Variants in FRMD1 observed in about 807,000 individuals in gnomAD.
FRMD1 encodes FERM domain containing 1.
In FRMD1, 51 loss-of-function variants were observed where a neutral mutation model predicts 54.9. The ratio of observed to expected loss-of-function variants is 0.93; its 90% CI spans 0.74 to 1.17. The LOEUF (loss-of-function observed/expected upper bound fraction) is 1.17, where lower values mean the gene tolerates loss of function less well. FRMD1 is among the 50% of genes most tolerant of loss of function. The pLI is 0.00. For synonymous variants in FRMD1, 324 were observed against 306.4 expected (o/e 1.06, Z -0.60); for missense variants, 729 against 743.0 (o/e 0.98, Z 0.22).
chr6:168,057,514 A>T, intron 10 of FRMD1, 175 bp from the exon 11 acceptor site: 1 of 851,480 alleles, frequency 1.2e-6, no homozygotes, highest in Non-Finnish European at 1.8e-6. Context: ...CCTCTGCGAG[A>T]GAGGCTTGGC....
In FRMD1 at chr6:168,064,856, G is replaced by T. The variant is rs1799942910; in HGVS notation, c.648+15C>A. On this transcript the variant is annotated intron_variant, in intron 5 of 10. Transcript: ENST00000283309. ...CAGACTAGCAGTGCTGGGAGGAGGT[G>T]GGCCCTGACCTTACCCACTGTGGGA... The T allele has an allele frequency of 6.5e-7, 1 of 1,545,478 alleles. No homozygotes were observed. The highest frequency in any genetic ancestry group is 1.4e-5 in the African/African-American group (1 of 73,090).
At chr6:168,075,823 T>G in intron 1 of FRMD1, 1 of 1,547,020 alleles carries the variant, frequency 6.5e-7, no homozygotes, top group Non-Finnish European at 8.7e-7. Flanking sequence ...ACACCCAGCG[T>G]CTGGTGCGTG....
intron 1 of FRMD1, among the ~76,000 whole-genome samples, chr6:168,077,759 G>A (rs547232982): frequency 6.6e-6 from 1 of 152,214 alleles, no homozygotes; most frequent in Non-Finnish European, 1.5e-5. Context: ...AAACCTAAAA[G>A]TTCCAGCTCT....
chr6:168,081,579 T>C, upstream of FRMD1: 2 of 1,407,382 alleles, frequency 1.4e-6, no homozygotes, highest in South Asian at 1.5e-5. Context: ...GAGAACATTC[T>C]AGAACTCAAG....
rs145627423 is a variant in FRMD1 at position 168,060,830 on chromosome 6, G to A, written c.1273C>T (p.His425Tyr). ...VDVPLEVHGL[H>Y]EKEPSSSPRT... is the part of the protein sequence containing the mutation. Reference sequence around the variant, plus strand: ...GGGCTGGAGGACGGCTCCTTCTCATGGAGCCCGTGGACCTCCAAGGGCACG... The same window carrying A: ...GGGCTGGAGGACGGCTCCTTCTCATAGAGCCCGTGGACCTCCAAGGGCACG... The change falls in exon 9 of 11, where the codon CAT (histidine) becomes TAT (tyrosine). Residue 425 changes from histidine (H) to tyrosine (Y), a missense_variant. Coordinates refer to ENST00000283309, the MANE Select transcript of FRMD1 (RefSeq NM_024919.6). The A allele has an allele frequency of 2.5e-6, 4 of 1,613,520 alleles. No homozygotes were observed. The highest frequency in any genetic ancestry group is 1.3e-5 in the African/African-American group (1 of 75,058).
intron 6 of FRMD1, among the ~76,000 whole-genome samples, chr6:168,063,180 G>A (rs530562068): frequency 3.3e-5 from 5 of 152,304 alleles, no homozygotes; most frequent in Admixed American, 1.3e-4. Flanking sequence ...CACCAGCCAC[G>A]ACCTAAGAGA....
At chr6:168,090,874 A>G (rs1159532000) in intron 1 of FRMD1, among the ~76,000 whole-genome samples, 1 of 152,136 alleles carries the variant, frequency 6.6e-6, no homozygotes, top group Non-Finnish European at 1.5e-5. Flanking sequence ...TGATCTGCCA[A>G]TCGGGGCTCA....
intron 5 of FRMD1, 91 bp from the exon 6 acceptor site, chr6:168,063,847 C>T: frequency 7.0e-7 from 1 of 1,424,520 alleles, no homozygotes; most frequent in Non-Finnish European, 9.3e-7. Context: ...TCCCCAGACT[C>T]CCACAGCTGG....
At chr6:168,065,480 T>C (rs1583181493) in intron 4 of FRMD1, 1 of 994,678 alleles carries the variant, frequency 1.0e-6, no homozygotes, top group Non-Finnish European at 1.2e-6. Context: ...GCACGGGGCT[T>C]GGCCATGGCT....
intron 2 of FRMD1, 22 bp downstream of exon 2, chr6:168,075,223 G>A: frequency 1.2e-6 from 2 of 1,607,374 alleles, no homozygotes; most frequent in Non-Finnish European, 1.7e-6. Flanking sequence ...ATTCCTGCAG[G>A]TGGGGACTGA....
At chr6:168,090,186 G>A (rs1800992883) in intron 1 of FRMD1, among the ~76,000 whole-genome samples, 1 of 152,038 alleles carries the variant, frequency 6.6e-6, no homozygotes, top group Non-Finnish European at 1.5e-5. Flanking sequence ...TGTTGGCAAT[G>A]GGCTCTAGAG....
In FRMD1 at chr6:168,070,047, G is replaced by A. The variant is rs1800220981; in HGVS notation, c.305-2601C>T. ...TGAGACAGCCTGGGCAACATAATGA[G>A]ACCCGACTCCACAAAAAAATACAAA... On this transcript the variant is annotated intron_variant, in intron 2 of 10. Transcript: ENST00000283309. Among the ~76,000 whole-genome samples, 3 of 152,024 alleles carry A rather than the reference G, an allele frequency of 2.0e-5. No individual in the cohort carries two copies. In the South Asian group the frequency reaches 6.2e-4, roughly 32 times the overall value.
Position 168,059,145 on chromosome 6 carries a change from C to A in FRMD1, c.1386G>T (p.Gln462His). Residue 462 changes from glutamine (Q) to histidine (H), a missense_variant, in exon 10 of 11, where the codon CAG becomes CAT. Coordinates refer to ENST00000283309, the MANE Select transcript of FRMD1 (RefSeq NM_024919.6). This position sits in a 1 kb window ranked among gnomAD's most constrained non-coding sequence, Gnocchi z 4.4. Reference sequence around the variant, plus strand: ...CTACCTGGTGCACGGCCTCGGCGCTCTGGCCTCTGGTCCTGACCTGGGTGC... The same window carrying A: ...CTACCTGGTGCACGGCCTCGGCGCTATGGCCTCTGGTCCTGACCTGGGTGC... ...EPCTQVRTRG[Q>H]SAEAVHQIQE... is the part of the protein sequence containing the mutation. 2 of 1,582,952 alleles carry A rather than the reference C, an allele frequency of 1.3e-6. No individual in the cohort carries two copies. The highest frequency in any genetic ancestry group is 1.7e-6 in the Non-Finnish European group (2 of 1,168,538).
chr6:168,066,295 T>C, intron 4 of FRMD1: 1 of 780,522 alleles, frequency 1.3e-6, no homozygotes, highest in Non-Finnish European at 1.6e-6. Flanking sequence ...GGTCGGGAGT[T>C]TGAGACCAGC....
In FRMD1 at chr6:168,063,773, G is replaced by C. The variant is rs776718150; in HGVS notation, c.649-17C>G. The C allele has an allele frequency of 6.2e-7, 1 of 1,604,080 alleles. No homozygotes were observed. Among genetic ancestry groups the C allele is most frequent in the Non-Finnish European group, 8.5e-7 (1 of 1,174,916 alleles). ...GGTGATGATCTGAGGACAGAGCCGG[G>C]AGGTCAGCTCAGACCCCTGCTGGTC... On this transcript the variant is annotated splice_polypyrimidine_tract_variant and intron_variant, in intron 5 of 10. Transcript: ENST00000283309.
chr6:168,088,486 G>A (rs905590312), intron 1 of FRMD1, among the ~76,000 whole-genome samples: 6 of 152,258 alleles, frequency 3.9e-5, no homozygotes, highest in East Asian at 1.9e-4. Context: ...TGCCTCCCCC[G>A]GCATCTGATC....
chr6:168,077,254 G>A (rs1800636755), intron 1 of FRMD1, among the ~76,000 whole-genome samples: 1 of 148,814 alleles, frequency 6.7e-6, no homozygotes, highest in Non-Finnish European at 1.5e-5. Context: ...CTGTCCAACT[G>A]CAGACACAGA....
intron 1 of FRMD1, among the ~76,000 whole-genome samples, chr6:168,090,346 T>C (rs1307473851): frequency 2.0e-5 from 3 of 152,126 alleles, no homozygotes; most frequent in Non-Finnish European, 2.9e-5. Context: ...ACCACCACAA[T>C]CTCAAGTCCC....
intron 10 of FRMD1, among the ~76,000 whole-genome samples, chr6:168,058,140 C>A (rs1241026068): frequency 6.6e-6 from 1 of 151,980 alleles, no homozygotes; most frequent in African/African-American, 2.4e-5. Flanking sequence ...TCCTCCCGTG[C>A]CCAGCCCTGT....
Sources: gnomAD v4.1 joint callset for allele counts (sites outside exome capture counted in the v4.1 genomes callset) on GRCh38, gnomAD v4.1.1 for gene constraint, Gnocchi (gnomAD v3.1) non-coding constraint, MANE v1.5 for transcripts, NCBI Gene and HGNC (gene_info 2026-07-23, HGNC 2026-07-21) for gene names.